KIF16B: variants seen among roughly 807,000 people sequenced by gnomAD.
The protein encoded by KIF16B is kinesin family member 16B, also known as kinesin-like protein KIF16B.
KIF16B carries 98 observed loss-of-function variants against 156.3 expected under a neutral mutation model. The observed-to-expected ratio is 0.63, with a 90% CI of 0.53 to 0.74. KIF16B has a LOEUF of 0.74. KIF16B is among the 30% of genes least tolerant of loss of function. The pLI, the probability that KIF16B is intolerant of heterozygous loss-of-function variation, is 0.00. For synonymous variants in KIF16B, 564 were observed against 583.7 expected, an observed-to-expected ratio of 0.97 and a Z score of 0.49; for missense variants, 1,421 against 1,606.5, an observed-to-expected ratio of 0.88 and a Z score of 1.97.
intron 25 of KIF16B, among the ~76,000 whole-genome samples, chr20:16,281,598 C>T (rs1350537169): frequency 6.6e-6 from 1 of 152,190 alleles, no homozygotes; most frequent in African/African-American, 2.4e-5. Context: ...TTTGGCTACA[C>T]TGGGTCAAAT....
chr20:16,489,217 C>G (rs948068026), intron 12 of KIF16B, among the ~76,000 whole-genome samples: 1 of 152,098 alleles, frequency 6.6e-6, no homozygotes. Context: ...GAGCTGGGGC[C>G]TTGGAGAAGA....
intron 23 of KIF16B, among the ~76,000 whole-genome samples, chr20:16,341,231 T>C (rs1350760749): frequency 6.6e-6 from 1 of 152,206 alleles, no homozygotes; most frequent in Non-Finnish European, 1.5e-5. Flanking sequence ...CATTTTCTCA[T>C]CAACGCTGTA....
At chr20:16,321,255 T>A (rs2063768748) in intron 24 of KIF16B, among the ~76,000 whole-genome samples, 1 of 152,144 alleles carries the variant, frequency 6.6e-6, no homozygotes, top group African/African-American at 2.4e-5. Flanking sequence ...TTGTATTATG[T>A]AAAATTTTTA....
chr20:16,526,995 A>G lies in KIF16B; in HGVS notation c.118-790T>C, dbSNP rs551436730. 2.0e-5 allele frequency among the ~76,000 whole-genome samples: 3 copies of G among 152,248 alleles called. No individual in the cohort carries two copies. The East Asian group carries it at 5.8e-4, about 29-fold the overall frequency. ...AAAAAACTCAAAAAGCAACAGAGTA[A>G]TCGAGGAAAATAGATTCCATAACGC... On this transcript the variant is annotated intron_variant, in intron 2 of 25. Coordinates refer to ENST00000354981, the MANE Select transcript of KIF16B (RefSeq NM_024704.5).
Position 16,419,218 on chromosome 20 carries a change from T to C in KIF16B, c.1612+7886A>G, listed in dbSNP as rs372289988. On this transcript the variant is annotated intron_variant, in intron 15 of 25. Coordinates refer to ENST00000354981, the MANE Select transcript of KIF16B (RefSeq NM_024704.5). ...GAAAAATAGTTGTTGAATCAGCCCA[T>C]ATACAAGTGACAGATGTCATATTTG... is the stretch of plus-strand genomic sequence containing the variant. Among the ~76,000 whole-genome samples, 6 of 152,202 alleles carry C rather than the reference T, an allele frequency of 3.9e-5. No individual in the cohort carries two copies. The East Asian group carries it at 1.2e-3, about 29-fold the overall frequency.
intron 20 of KIF16B, among the ~76,000 whole-genome samples, chr20:16,372,300 C>T (rs950703347): frequency 6.6e-6 from 1 of 152,198 alleles, no homozygotes; most frequent in Non-Finnish European, 1.5e-5. Context: ...CACTTGTATT[C>T]CCGGTCTGTC....
Position 16,406,464 on chromosome 20 carries a change from C to CA in KIF16B, c.1613-9dup. The CA allele has an allele frequency of 6.2e-7, 1 of 1,612,710 alleles. No individual in the cohort carries two copies. Among genetic ancestry groups the CA allele is most frequent in the Non-Finnish European group, 8.5e-7 (1 of 1,178,940 alleles). ...CCAAGAGAATCACAGCACCTGAAAA[C>CA]ACACAAAAACAGTAATGAATTTACA... On this transcript the variant is annotated splice_polypyrimidine_tract_variant and intron_variant, in intron 15 of 25. Coordinates refer to ENST00000354981, the MANE Select transcript of KIF16B (RefSeq NM_024704.5).
At chr20:16,276,970 A>C (rs897559131) in intron 25 of KIF16B, among the ~76,000 whole-genome samples, 1 of 152,218 alleles carries the variant, frequency 6.6e-6, no homozygotes, top group Non-Finnish European at 1.5e-5. Flanking sequence ...TCTAGATATG[A>C]ATTATACAAC....
intron 25 of KIF16B, among the ~76,000 whole-genome samples, chr20:16,290,679 G>C (rs2063302112): frequency 6.6e-6 from 1 of 152,170 alleles, no homozygotes; most frequent in African/African-American, 2.4e-5. Context: ...TCAGGGTCAA[G>C]CCCTAGGTGT....
At chr20:16,302,639 C>T (rs1369746654) in intron 25 of KIF16B, among the ~76,000 whole-genome samples, 1 of 152,196 alleles carries the variant, frequency 6.6e-6, no homozygotes, top group Non-Finnish European at 1.5e-5. Flanking sequence ...TACCCATGAA[C>T]ATGGAATACC....
chr20:16,561,820 G>T (rs1053326139), intron 1 of KIF16B, among the ~76,000 whole-genome samples: 1 of 152,142 alleles, frequency 6.6e-6, no homozygotes, highest in African/African-American at 2.4e-5. Context: ...GCCACACTGA[G>T]AACCATTCTA....
chr20:16,553,672 A>G (rs2070743084), intron 1 of KIF16B, among the ~76,000 whole-genome samples: 1 of 152,232 alleles, frequency 6.6e-6, no homozygotes, highest in South Asian at 2.1e-4. Context: ...GAACTCAGTG[A>G]CTAGTAGACT....
At chr20:16,369,053 C>T in intron 22 of KIF16B, 8 of 985,832 alleles carry the variant, frequency 8.1e-6, no homozygotes, top group Non-Finnish European at 9.6e-6. Context: ...TCCTGGAATA[C>T]CTCGGGTACT....
intron 15 of KIF16B, among the ~76,000 whole-genome samples, chr20:16,416,045 T>A (rs6111103): frequency 0.046 from 6,945 of 152,242 alleles, 311 homozygotes; most frequent in East Asian, 0.25. Context: ...TGTCCTTTGC[T>A]CACTTTTTAA....
intron 11 of KIF16B, among the ~76,000 whole-genome samples, chr20:16,497,096 T>C (rs2068473475): frequency 6.6e-6 from 1 of 152,168 alleles, no homozygotes; most frequent in Non-Finnish European, 1.5e-5. Flanking sequence ...CTTTAGCCCA[T>C]AACAGCTCCA....
chr20:16,563,716 C>T (rs551856712), intron 1 of KIF16B, among the ~76,000 whole-genome samples: 1 of 152,290 alleles, frequency 6.6e-6, no homozygotes, highest in Admixed American at 6.5e-5. Context: ...CACACAGTTT[C>T]CATGTTTAAA....
chr20:16,562,305 G>A (rs900054458), intron 1 of KIF16B, among the ~76,000 whole-genome samples: 1 of 152,162 alleles, frequency 6.6e-6, no homozygotes, highest in African/African-American at 2.4e-5. Context: ...GCATTGGTGT[G>A]TAATATGAAG....
chr20:16,473,004 A>C (rs1270149284), intron 12 of KIF16B, among the ~76,000 whole-genome samples: 1 of 152,222 alleles, frequency 6.6e-6, no homozygotes, highest in Non-Finnish European at 1.5e-5. Flanking sequence ...CTATCTTCTA[A>C]GACAGGTTTT....
intron 1 of KIF16B, among the ~76,000 whole-genome samples, chr20:16,568,497 A>C (rs1263601004): frequency 6.6e-6 from 1 of 152,100 alleles, no homozygotes; most frequent in Non-Finnish European, 1.5e-5. Context: ...GCGTTATCTC[A>C]CTTGAACCCA....
Sources: allele counts gnomAD v4.1 joint callset (sites outside exome capture counted in the v4.1 genomes callset), GRCh38; gene constraint gnomAD v4.1.1; transcripts MANE v1.5; gene names NCBI Gene and HGNC (gene_info 2026-07-23, HGNC 2026-07-21).